Variants in PDE6C observed in about 807,000 individuals in gnomAD.
PDE6C encodes the protein cone cGMP-specific 3',5'-cyclic phosphodiesterase subunit alpha'.
PDE6C carries 75 observed loss-of-function variants against 113.1 expected under a neutral mutation model. The ratio of observed to expected loss-of-function variants is 0.66; its 90% confidence interval spans 0.55 to 0.80. The LOEUF (loss-of-function observed/expected upper bound fraction) is 0.80. Among genes scored for constraint, PDE6C ranks in the 30% least tolerant of loss-of-function variants. The probability of loss-of-function intolerance (pLI) is 0.00; values close to 1 mark genes in which losing one functional copy is unlikely to be tolerated. For synonymous variants in PDE6C, 375 were observed against 363.7 expected, an observed-to-expected ratio of 1.03 and a Z score of -0.35; for missense variants, 912 against 1,038.6, an observed-to-expected ratio of 0.88 and a Z score of 1.67.
chr10:93,665,809 A>G lies in PDE6C; in HGVS notation c.*391A>G, dbSNP rs2058687302. 1.5e-5 allele frequency: 4 copies of G among 266,378 alleles called. No individual in the cohort carries two copies. The highest frequency in any genetic ancestry group is 1.2e-4 in the South Asian group (3 of 25,530). The allele number at this position is 266,378 out of a possible 1,614,324, so 16.5% of individuals were successfully genotyped here. A position where few individuals can be genotyped will look rare whatever the true frequency, so the allele number is the denominator to read the frequency against. On this transcript the variant is annotated 3_prime_UTR_variant, in exon 22 of 22. Transcript: ENST00000371447. ...CCTGGGGGCTGGAAGTTCAAGATCA[A>G]GGAGTTGGCAGGGTTGGTTTCTTGG...
chr10:93,639,049 A>G (rs2058547047), intron 11 of PDE6C, among the ~76,000 whole-genome samples: 1 of 152,224 alleles, frequency 6.6e-6, no homozygotes, highest in Admixed American at 6.5e-5. Flanking sequence ...GACATACTAC[A>G]CATTCAAATA....
chr10:93,662,673 CAT>C (rs758813632), intron 20 of PDE6C, 30 bp downstream of exon 20: 8 of 1,009,768 alleles, frequency 7.9e-6, no homozygotes, highest in Non-Finnish European at 1.3e-5. Context: ...GAATTAAATA[CAT>C]AAACATTTGG....
chr10:93,627,233 G>A (rs1464342912), intron 7 of PDE6C, among the ~76,000 whole-genome samples: 1 of 116,044 alleles, frequency 8.6e-6, no homozygotes, highest in Non-Finnish European at 1.6e-5. Flanking sequence ...TTGCACTCCA[G>A]CCTGGGCAAC....
At chr10:93,662,178 G>T in intron 19 of PDE6C, 45 bp downstream of exon 19, 1 of 1,275,522 alleles carries the variant, frequency 7.8e-7, no homozygotes, top group African/African-American at 1.5e-5. Context: ...AAAGTTATCA[G>T]GACAGGCCGG....
chr10:93,640,527 C>A lies in PDE6C; in HGVS notation c.1707C>A (p.Asn569Lys). 7 of 1,613,262 alleles carry A rather than the reference C, an allele frequency of 4.3e-6. No individual in the cohort carries two copies. Among genetic ancestry groups the A allele is most frequent in the Non-Finnish European group, 5.9e-6 (7 of 1,179,292 alleles). ...ACCACAATTGGCGGCATGGGTTCAA[C>A]GTGGGGCAGACCATGTTTACTTTGC... The part of the protein sequence containing the change: ...VTYHNWRHGF[N>K]VGQTMFTLLM... Residue 569 changes from asparagine to lysine, a missense_variant, in exon 13 of 22, where the codon AAC becomes AAA. Coordinates refer to ENST00000371447, the MANE Select transcript of PDE6C (RefSeq NM_006204.4).
chr10:93,637,102 G>C (rs766100672), intron 11 of PDE6C, 39 bp downstream of exon 11: 11 of 1,009,586 alleles, frequency 1.1e-5, no homozygotes, highest in Non-Finnish European at 1.6e-5. Flanking sequence ...CTGTTAAATA[G>C]AGGCATTATA....
At chr10:93,639,993 C>T (rs1289634179) in intron 11 of PDE6C, 77 bp from the exon 12 acceptor site, 3 of 1,472,240 alleles carry the variant, frequency 2.0e-6, no homozygotes, top group Non-Finnish European at 2.9e-6. Context: ...TTTTGGTTTA[C>T]ACCCAATGTT....
rs2058686365 is a variant in PDE6C at position 93,665,563 on chromosome 10, C to T, written c.*145C>T. 1.6e-6 allele frequency: 1 copy of T among 638,066 alleles called. No homozygotes were observed. The highest frequency in any genetic ancestry group is 2.8e-6 in the Non-Finnish European group (1 of 361,792). 39.5% of individuals were successfully genotyped at this position (638,066 alleles called of 1,614,324 possible). On this transcript the variant is annotated 3_prime_UTR_variant, in exon 22 of 22. Transcript: ENST00000371447. ...CTATGAAGAAAATATATATTGCTAG[C>T]CCAAAAATCCCAGGGGCAAAATAAA... is the stretch of plus-strand genomic sequence containing the variant.
intron 7 of PDE6C, among the ~76,000 whole-genome samples, chr10:93,628,875 G>GGAA (rs146137571): frequency 1.8e-4 from 28 of 152,126 alleles, no homozygotes; most frequent in South Asian, 8.3e-4. Context: ...TCTCACTTTA[G>GGAA]GAAGAAGAAG....
intron 18 of PDE6C, among the ~76,000 whole-genome samples, chr10:93,660,831 T>C (rs554503524): frequency 6.6e-6 from 1 of 152,196 alleles, no homozygotes; most frequent in Admixed American, 6.5e-5. Flanking sequence ...TTCTGACTTT[T>C]ATCAGAACTA....
At chr10:93,624,803 T>G (rs985096963) in intron 4 of PDE6C, among the ~76,000 whole-genome samples, 4 of 152,146 alleles carry the variant, frequency 2.6e-5, no homozygotes, top group African/African-American at 9.7e-5. Flanking sequence ...ATCAGTGCAG[T>G]CATTAAAGTC....
rs368299975 is a variant in PDE6C at position 93,648,995 on chromosome 10, G to A, written c.1935+2948G>A. On this transcript the variant is annotated intron_variant, in intron 15 of 21. Coordinates refer to ENST00000371447, the MANE Select transcript of PDE6C (RefSeq NM_006204.4). The stretch of plus-strand genomic sequence containing the variant: ...ATGTTGGCAATATTCTCTTGCGGGC[G>A]TCATAGGCACCATGCTGAAGACTAG... Among the ~76,000 whole-genome samples, 26 of 152,282 alleles carry A rather than the reference G, an allele frequency of 1.7e-4. No homozygotes were observed. The South Asian group carries it at 5.2e-3, about 30-fold the overall frequency.
chr10:93,655,612 A>AG, intron 15 of PDE6C, 148 bp from the exon 16 acceptor site: 1 of 204,654 alleles, frequency 4.9e-6, no homozygotes, highest in Non-Finnish European at 9.6e-6. Context: ...AAGCAAGCCA[A>AG]AAAAAAAAAA....
At chr10:93,655,610 C>CAAAAAAAAAAAAA in intron 15 of PDE6C, 150 bp from the exon 16 acceptor site, 1 of 265,128 alleles carries the variant, frequency 3.8e-6, no homozygotes, top group South Asian at 3.3e-5. Context: ...AAAAGCAAGC[C>CAAAAAAAAAAAAA]AAAAAAAAAA....
chr10:93,622,631 A>G (rs1220791198), intron 4 of PDE6C, among the ~76,000 whole-genome samples: 1 of 131,464 alleles, frequency 7.6e-6, no homozygotes, highest in Non-Finnish European at 1.5e-5. Context: ...AACTCCTGGT[A>G]GCCACAGGTT....
chr10:93,640,463 G>T lies in PDE6C; in HGVS notation c.1643G>T (p.Trp548Leu), dbSNP rs751884839. The T allele has an allele frequency of 1.2e-6, 2 of 1,611,788 alleles. No homozygotes were observed. The highest frequency in any genetic ancestry group is 4.5e-5 in the East Asian group (2 of 44,872). Reference protein sequence around the residue: ...FKVPVEVLTRWMYTVRKGYRA... With the variant: ...FKVPVEVLTRLMYTVRKGYRA... ...ATCTTCTTTTAGGTTCTTACCAGAT[G>T]GATGTACACTGTGAGGAAAGGGTAC... The change falls in exon 13 of 22, where the codon TGG becomes TTG. Residue 548 changes from tryptophan (W) to leucine (L), a missense_variant. Physicochemically the swap from Trp to Leu is moderately conservative, Grantham distance 61. Transcript: ENST00000371447.
intron 21 of PDE6C, 81 bp downstream of exon 21, chr10:93,663,259 G>A: frequency 7.2e-7 from 1 of 1,392,540 alleles, no homozygotes; most frequent in Admixed American, 1.9e-5. Flanking sequence ...AAGCCATAAA[G>A]AGTCACCACA....
At chr10:93,637,759 C>G (rs963117297) in intron 11 of PDE6C, among the ~76,000 whole-genome samples, 3 of 152,048 alleles carry the variant, frequency 2.0e-5, no homozygotes, top group Non-Finnish European at 2.9e-5. Flanking sequence ...TTTAAGGTAC[C>G]CATCTTAATA....
At chr10:93,635,833 C>T (rs934917826) in intron 10 of PDE6C, among the ~76,000 whole-genome samples, 193 bp downstream of exon 10, 1 of 152,126 alleles carries the variant, frequency 6.6e-6, no homozygotes, top group Admixed American at 6.5e-5. Flanking sequence ...AGTACAGCTG[C>T]TTGGCTGGAA....
Sources: gnomAD v4.1 joint callset for allele counts (sites outside exome capture counted in the v4.1 genomes callset) on GRCh38, gnomAD v4.1.1 for gene constraint, MANE v1.5 for transcripts, NCBI Gene and HGNC (gene_info 2026-07-23, HGNC 2026-07-21) for gene names.